CLTCL1: variants seen among roughly 807,000 people sequenced by gnomAD.
The protein encoded by CLTCL1 is clathrin heavy chain like 1, also known as clathrin heavy chain 2.
Under a neutral mutation model 190.0 loss-of-function variants are expected in CLTCL1, and 159 were observed. That is an observed-to-expected ratio of 0.84 (90% CI 0.74 to 0.95). The LOEUF is 0.95. Ranked by LOEUF, CLTCL1 falls within the 40% of genes least tolerant of loss-of-function variation. The pLI, the probability that CLTCL1 is intolerant of heterozygous loss-of-function variation, is 0.00. For synonymous variants in CLTCL1, 752 were observed against 769.6 expected (o/e 0.98, Z 0.38); for missense variants, 1,878 against 2,033.4 (o/e 0.92, Z 1.47).
chr22:19,221,093 G>A lies in CLTCL1; in HGVS notation c.2796+284C>T, dbSNP rs115016665. Among the ~76,000 whole-genome samples the A allele has an allele frequency of 5.3e-3, 805 of 152,312 alleles. 5 individuals are homozygous for A. Among genetic ancestry groups the A allele is most frequent in the African/African-American group, 0.019 (778 of 41,574 alleles). ...TGGCAGTCCACAGAGGAGCTCACGA[G>A]TCAGGCCAAGGAGTTCAATTCTGCC... is the stretch of plus-strand genomic sequence containing the variant. On this transcript the variant is annotated intron_variant, in intron 17 of 32. Transcript: ENST00000427926.
chr22:19,252,542 C>T (rs114704171), intron 3 of CLTCL1, among the ~76,000 whole-genome samples: 3,519 of 152,294 alleles, frequency 0.023, 135 homozygotes, highest in African/African-American at 0.08. Flanking sequence ...ATGGCTCCCA[C>T]AGTATTCTCT....
chr22:19,209,118 G>C lies in CLTCL1; in HGVS notation c.3250-4C>G. On this transcript the variant is annotated splice_region_variant and splice_polypyrimidine_tract_variant and intron_variant, in intron 20 of 32. Transcript: ENST00000427926. ...TTCCAATGTGCTCGATCAGGACCTA[G>C]GGGTTATGAGAGGACTTCCATTCTC... 6.3e-7 allele frequency: 1 copy of C among 1,583,806 alleles called. No individual in the cohort carries two copies. Among genetic ancestry groups the C allele is most frequent in the African/African-American group, 1.3e-5 (1 of 74,218 alleles).
At chr22:19,273,255 GTAC>G (rs1403821118) in intron 2 of CLTCL1, among the ~76,000 whole-genome samples, 1 of 152,098 alleles carries the variant, frequency 6.6e-6, no homozygotes, top group Admixed American at 6.5e-5. Flanking sequence ...TCAACGATTT[GTAC>G]TACAATGATC....
chr22:19,199,702 A>G (rs1469603215), intron 24 of CLTCL1, 32 bp downstream of exon 24: 1 of 1,511,006 alleles, frequency 6.6e-7, no homozygotes, highest in African/African-American at 1.4e-5. Context: ...ATCACTTGTC[A>G]TCTGCATTAC....
Position 19,224,478 on chromosome 22 carries a change from G to A in CLTCL1, c.2129-424C>T, listed in dbSNP as rs118055717. Among the ~76,000 whole-genome samples, 1,013 of 152,264 alleles carry A rather than the reference G, an allele frequency of 6.7e-3. 11 individuals carry two copies. Among genetic ancestry groups the A allele is most frequent in the Non-Finnish European group, 0.011 (746 of 68,010 alleles). ...CTCAACACAGAGCTGACAGTGACAT[G>A]GGCACCACATGCTGAGCCCCAGGGT... is the stretch of plus-strand genomic sequence containing the variant. On this transcript the variant is annotated intron_variant, in intron 13 of 32. Transcript: ENST00000427926.
At chr22:19,190,319 A>G (rs2084450861) in intron 27 of CLTCL1, among the ~76,000 whole-genome samples, 1 of 152,222 alleles carries the variant, frequency 6.6e-6, no homozygotes, top group African/African-American at 2.4e-5. Context: ...AAGGAAAGGA[A>G]GAGGGACCAG....
chr22:19,204,458 G>T (rs1055819106), intron 22 of CLTCL1, among the ~76,000 whole-genome samples: 12 of 152,106 alleles, frequency 7.9e-5, no homozygotes, highest in African/African-American at 2.9e-4. Context: ...CACCCACACC[G>T]TTCCAACGCT....
rs529068579 is a variant in CLTCL1 at position 19,187,434 on chromosome 22, G to A, written c.4605+124C>T. ...TAATACTAATCCCCCCACCCACCACGAGGATCCCCTGGTGAAGCTCAGAGC... is the reference window on the plus strand; with the variant it reads ...TAATACTAATCCCCCCACCCACCACAAGGATCCCCTGGTGAAGCTCAGAGC... On this transcript the variant is annotated intron_variant, in intron 29 of 32. Transcript: ENST00000427926. The A allele has an allele frequency of 6.8e-4, 638 of 939,532 alleles. 10 individuals carry two copies. The highest frequency in any genetic ancestry group is 1.5e-4 in the Non-Finnish European group (96 of 627,662). 58.2% of individuals were successfully genotyped at this position (939,532 alleles called of 1,614,324 possible).
chr22:19,273,037 A>G (rs73377894), intron 2 of CLTCL1, among the ~76,000 whole-genome samples: 1,801 of 152,204 alleles, frequency 0.012, 30 homozygotes, highest in African/African-American at 0.042. Context: ...GTGAGATACA[A>G]GGTGCAGCAC....
At position 19,221,477 on chromosome 22, in the gene CLTCL1, T is replaced by C. The variant is rs1037310063; in HGVS notation, c.2696A>G (p.Tyr899Cys). Residue 899 changes from tyrosine to cysteine, a missense_variant, in exon 17 of 33, where the codon TAC becomes TGC. By Grantham distance (194) the Tyr-to-Cys change is radical. Transcript: ENST00000427926. The part of the protein sequence containing the change: ...SPECFLRENA[Y>C]YDSSVVGRYC... ...GCGGCCCACCACGCTGCTGTCATAG[T>C]AGGCATTCTCTCTCAGGAAGCACTC... 5 of 1,593,346 alleles carry C rather than the reference T, an allele frequency of 3.1e-6. No homozygotes were observed. The African/African-American group carries it at 4.0e-5, about 13-fold the overall frequency.
chr22:19,222,275 G>T (rs1412284958), intron 15 of CLTCL1, among the ~76,000 whole-genome samples, 182 bp from the exon 16 acceptor site: 1 of 152,200 alleles, frequency 6.6e-6, no homozygotes, highest in African/African-American at 2.4e-5. Context: ...TGGAAAGAGG[G>T]TGTTTAAGAA....
At chr22:19,199,883 C>T (rs201173338) in intron 23 of CLTCL1, 42 bp from the exon 24 acceptor site, 96 of 1,304,236 alleles carry the variant, frequency 7.4e-5, no homozygotes, top group Admixed American at 4.0e-4. Flanking sequence ...CAAGACAGGA[C>T]ACAGCACCAC....
At chr22:19,189,603 CTTCTAA>C (rs2084425185) in intron 27 of CLTCL1, among the ~76,000 whole-genome samples, 1 of 152,362 alleles carries the variant, frequency 6.6e-6, no homozygotes, top group African/African-American at 2.4e-5. Context: ...TCAGGCTCCA[CTTCTAA>C]TTCTAGTTCT....
chr22:19,244,462 G>C (rs1316778885), intron 3 of CLTCL1, among the ~76,000 whole-genome samples: 1 of 152,214 alleles, frequency 6.6e-6, no homozygotes, highest in Non-Finnish European at 1.5e-5. Flanking sequence ...TAAACCAGCA[G>C]ATAAGTGGTC....
chr22:19,242,842 T>C lies in CLTCL1; in HGVS notation c.614A>G (p.Lys205Arg), dbSNP rs5746697. Reference sequence around the variant, plus strand: ...GGCAGGCTTGGCATTCCCCTCCATCTTGAACTCTGCAAAAGCCGCAGCATG... The same window carrying C: ...GGCAGGCTTGGCATTCCCCTCCATCCTGAACTCTGCAAAAGCCGCAGCATG... ...EGHAAAFAEF[K>R]MEGNAKPATL... Residue 205 changes from lysine (K) to arginine (R), a missense_variant, in exon 4 of 33, where the codon AAG becomes AGG. By Grantham distance (26) the Lys-to-Arg change is conservative. Transcript: ENST00000427926. 0.011 allele frequency: 18,110 copies of C among 1,613,946 alleles called. 307 individuals are homozygous for C. Among genetic ancestry groups the C allele is most frequent in the East Asian group, 0.068 (3,059 of 44,882 alleles).
intron 21 of CLTCL1, 82 bp downstream of exon 21, chr22:19,208,840 G>C (rs766946840): frequency 1.9e-4 from 218 of 1,143,190 alleles, no homozygotes; most frequent in Non-Finnish European, 2.5e-4. Context: ...GTAGAGATTT[G>C]TGAGAATCTC....
In CLTCL1 at chr22:19,187,710, C is replaced by T. The variant is rs553137718; in HGVS notation, c.4453G>A (p.Asp1485Asn). 19 of 1,613,728 alleles carry T rather than the reference C, an allele frequency of 1.2e-5. 1 individual carries two copies. The highest frequency in any genetic ancestry group is 7.7e-5 in the South Asian group (7 of 91,072). ...EDYQGLRASI[D>N]AYDNFDNISL... ...ATGTTGTCAAAGTTGTCATAGGCAT[C>T]GATAGATGCCCTTAAGCCCTAGGAA... Residue 1485 changes from aspartate (D) to asparagine (N), a missense_variant, in exon 29 of 33, where the codon GAT becomes AAT. By Grantham distance (23) the Asp-to-Asn change is conservative (BLOSUM62 1). Coordinates refer to ENST00000427926, the MANE Select transcript of CLTCL1 (RefSeq NM_007098.4).
intron 22 of CLTCL1, among the ~76,000 whole-genome samples, chr22:19,206,647 G>A (rs1165203609): frequency 6.6e-6 from 1 of 152,072 alleles, no homozygotes; most frequent in Admixed American, 6.5e-5. Flanking sequence ...ATGTTGCCCA[G>A]GCTGGTCTTG....
intron 4 of CLTCL1, among the ~76,000 whole-genome samples, chr22:19,241,436 C>G (rs192499629): frequency 6.6e-6 from 1 of 152,332 alleles, no homozygotes; most frequent in African/African-American, 2.4e-5. Flanking sequence ...AAGGCTGACA[C>G]GTGACCCGAG....
Sources: allele counts gnomAD v4.1 joint callset (sites outside exome capture counted in the v4.1 genomes callset), GRCh38; gene constraint gnomAD v4.1.1; transcripts MANE v1.5; gene names NCBI Gene and HGNC (gene_info 2026-07-23, HGNC 2026-07-21).